Variants in PRELID2 observed in about 807,000 individuals in gnomAD.
PRELID2 encodes PRELI domain-containing protein 2.
A neutral mutation model predicts 28.4 loss-of-function variants in PRELID2; 25 were observed. That is an observed-to-expected ratio of 0.88 (90% confidence interval 0.64 to 1.23). The LOEUF is 1.23. Ranked by LOEUF, PRELID2 falls within the 50% of genes most tolerant of loss-of-function variation. PRELID2 has a pLI of 0.00. For missense variants in PRELID2, 201 were observed against 214.4 expected, an observed-to-expected ratio of 0.94 and a Z score of 0.39; for synonymous variants, 76 against 71.6, an observed-to-expected ratio of 1.06 and a Z score of -0.31.
chr5:145,568,150 G>C (rs1316330775), intron 1 of PRELID2, among the ~76,000 whole-genome samples: 1 of 152,194 alleles, frequency 6.6e-6, no homozygotes, highest in Non-Finnish European at 1.5e-5. Flanking sequence ...TGCATGCTTA[G>C]ATACTTCTCC....
At chr5:145,469,221 A>G (rs1369537936), downstream of PRELID2, among the ~76,000 whole-genome samples, 1 of 152,012 alleles carries the variant, frequency 6.6e-6, no homozygotes, top group Non-Finnish European at 1.5e-5. Flanking sequence ...TCAATATAAC[A>G]TTTTGTTATC....
At chr5:145,792,757 T>C (rs1752478784) in intron 5 of PRELID2, among the ~76,000 whole-genome samples, 1 of 152,042 alleles carries the variant, frequency 6.6e-6, no homozygotes, top group South Asian at 2.1e-4. Context: ...AAAAAGAAAA[T>C]ATGTTAAAGA....
rs944185777 is a variant in PRELID2 at position 145,758,705 on chromosome 5, C to T, written c.*1831G>A. Among the ~76,000 whole-genome samples the T allele has an allele frequency of 1.3e-5, 2 of 152,104 alleles. No individual in the cohort carries two copies. Among genetic ancestry groups the T allele is most frequent in the South Asian group, 2.1e-4 (1 of 4,826 alleles). ...TGAAATAGGCTATTACTCCAAAAGC[C>T]TACCAAATGCCATCTACAAATTGGA... On this transcript the variant is annotated 3_prime_UTR_variant, in exon 7 of 7. Transcript: ENST00000683046.
chr5:145,693,793 T>C (rs1391258961), intron 1 of PRELID2, among the ~76,000 whole-genome samples: 1 of 152,102 alleles, frequency 6.6e-6, no homozygotes, highest in African/African-American at 2.4e-5. Context: ...TAAATTAAAA[T>C]TATAAAAATT....
At chr5:145,509,922 G>A (rs1474522794) in intron 1 of PRELID2, among the ~76,000 whole-genome samples, 1 of 152,128 alleles carries the variant, frequency 6.6e-6, no homozygotes, top group African/African-American at 2.4e-5. Context: ...GTTCAGAGCA[G>A]AAAGTAGGCA....
chr5:145,229,607 G>A, the PRELID2 span: 37 of 1,171,740 alleles, frequency 3.2e-5, no homozygotes, highest in South Asian at 2.2e-4. Flanking sequence ...GCACGGTGTG[G>A]GCTTATTGCC....
chr5:145,290,075 G>A, the PRELID2 span, among the ~76,000 whole-genome samples: 441 of 152,250 alleles, frequency 2.9e-3, 1 homozygote, highest in Non-Finnish European at 5.0e-3. Context: ...AGTTAGAATG[G>A]TGATCATTAA....
the PRELID2 span, among the ~76,000 whole-genome samples, chr5:145,444,119 T>C: frequency 6.6e-6 from 1 of 152,086 alleles, no homozygotes; most frequent in Non-Finnish European, 1.5e-5. Context: ...ATGTCGTATG[T>C]ATTACCATGC....
the PRELID2 span, among the ~76,000 whole-genome samples, chr5:145,277,256 A>T: frequency 6.6e-6 from 1 of 152,200 alleles, no homozygotes; most frequent in Non-Finnish European, 1.5e-5. Context: ...TCGCAAATAC[A>T]ATGTGAAAGC....
intron 1 of PRELID2, among the ~76,000 whole-genome samples, chr5:145,602,718 A>G (rs1170241873): frequency 3.9e-5 from 6 of 152,266 alleles, no homozygotes; most frequent in African/African-American, 2.4e-5. Context: ...TGAGAACTCA[A>G]TGGATAGGTT....
At chr5:145,711,797 G>A (rs569407731) in intron 1 of PRELID2, among the ~76,000 whole-genome samples, 2 of 151,434 alleles carry the variant, frequency 1.3e-5, no homozygotes, top group Admixed American at 1.3e-4. Flanking sequence ...GGGCTTCACT[G>A]AGTGCACTAC....
At chr5:145,389,272 T>C in the PRELID2 span, among the ~76,000 whole-genome samples, 1 of 152,054 alleles carries the variant, frequency 6.6e-6, no homozygotes, top group Admixed American at 6.6e-5. Flanking sequence ...TTACACAAGA[T>C]AGTAGATGGA....
At chr5:145,582,695 G>C (rs1457897211) in intron 1 of PRELID2, among the ~76,000 whole-genome samples, 1 of 152,014 alleles carries the variant, frequency 6.6e-6, no homozygotes, top group African/African-American at 2.4e-5. Flanking sequence ...AGCAAATACA[G>C]AAGAAATGGA....
intron 4 of PRELID2, among the ~76,000 whole-genome samples, chr5:145,817,354 T>C (rs1189465353): frequency 7.1e-6 from 1 of 141,752 alleles, no homozygotes; most frequent in Non-Finnish European, 1.5e-5. Context: ...ATCAAAAAAG[T>C]AGTAGCTACA....
At chr5:145,238,071 A>G in the PRELID2 span, among the ~76,000 whole-genome samples, 9 of 152,058 alleles carry the variant, frequency 5.9e-5, no homozygotes, top group Admixed American at 4.6e-4. Flanking sequence ...ACCCTCCAAC[A>G]ACCTCTCTTA....
At chr5:145,783,948 G>A (rs1751812444) in intron 5 of PRELID2, among the ~76,000 whole-genome samples, 1 of 152,164 alleles carries the variant, frequency 6.6e-6, no homozygotes, top group South Asian at 2.1e-4. Flanking sequence ...AAAGAATTGA[G>A]CACCTCAGAG....
the PRELID2 span, among the ~76,000 whole-genome samples, chr5:145,332,169 C>T: frequency 3.3e-5 from 5 of 152,152 alleles, no homozygotes; most frequent in Admixed American, 1.3e-4. Flanking sequence ...TTGTGGGTGA[C>T]CTTACCTTTC....
chr5:145,827,980 G>GAAAAAA (rs1295436381), intron 1 of PRELID2, among the ~76,000 whole-genome samples: 1 of 151,988 alleles, frequency 6.6e-6, no homozygotes, highest in Admixed American at 6.6e-5. Context: ...GGGGAAGCTG[G>GAAAAAA]AAAAAAGTAT....
chr5:145,362,302 C>T, the PRELID2 span, among the ~76,000 whole-genome samples: 8 of 152,112 alleles, frequency 5.3e-5, no homozygotes, highest in Non-Finnish European at 8.8e-5. Context: ...CTTCAGTGTC[C>T]TCATACCTGG....
Sources: gnomAD v4.1 joint callset for allele counts (sites outside exome capture counted in the v4.1 genomes callset) on GRCh38, gnomAD v4.1.1 for gene constraint, MANE v1.5 for transcripts, NCBI Gene and HGNC (gene_info 2026-07-23, HGNC 2026-07-21) for gene names.